The following FLII variants were observed in gnomAD, a reference collection of about 807,000 sequenced individuals.
FLII encodes protein flightless-1 homolog.
FLII carries 101 observed loss-of-function variants against 156.2 expected under a neutral mutation model. That is an observed-to-expected ratio of 0.65 (90% CI 0.55 to 0.76). The LOEUF is 0.76. Among genes scored for constraint, FLII ranks in the 30% least tolerant of loss-of-function variants. The pLI is 0.00. For missense variants in FLII, 1,675 were observed against 1,682.8 expected (o/e 1.00, Z 0.08); for synonymous variants, 767 against 685.8 (o/e 1.12, Z -1.85).
chr17:18,256,701 T>C lies in FLII; in HGVS notation c.175-104A>G. The C allele has an allele frequency of 2.9e-6, 3 of 1,034,194 alleles. No homozygotes were observed. The South Asian group carries it at 4.1e-5, about 14-fold the overall frequency. 64.1% of individuals were successfully genotyped at this position (1,034,194 alleles called of 1,614,324 possible). A position where few individuals can be genotyped will look rare whatever the true frequency, so the allele number is the denominator to read the frequency against. ...CCATCCAGGAAGGCCTCAGCCACAC[T>C]GGCCCAACTACCCCTGCAGCTTCCC... On this transcript the variant is annotated intron_variant, in intron 2 of 29. Coordinates refer to ENST00000327031, the MANE Select transcript of FLII (RefSeq NM_002018.4).
chr17:18,256,641 T>C, intron 2 of FLII, 44 bp from the exon 3 acceptor site: 1 of 1,506,474 alleles, frequency 6.6e-7, no homozygotes, highest in Non-Finnish European at 9.0e-7. Flanking sequence ...GTGGGTGGGG[T>C]GTCCAGAGTC....
chr17:18,254,368 A>G (rs1194657752), intron 6 of FLII, among the ~76,000 whole-genome samples, 153 bp downstream of exon 6: 1 of 152,116 alleles, frequency 6.6e-6, no homozygotes, highest in Admixed American at 6.5e-5. Context: ...AGAGGTGGAC[A>G]TGATACTTAG....
At position 18,257,025 on chromosome 17, in the gene FLII, G is replaced by T. The variant is rs1191906268; in HGVS notation, c.64-6C>A. 1.3e-5 allele frequency: 20 copies of T among 1,587,026 alleles called. No individual in the cohort carries two copies. Among genetic ancestry groups the T allele is most frequent in the Non-Finnish European group, 1.5e-5 (18 of 1,163,518 alleles). Reference sequence around the variant, plus strand: ...TTCTCAGGGAAGTAGCCGCCCTGGGGGAAGGATGTCAAGGTGAAGCACAGA... The same window carrying T: ...TTCTCAGGGAAGTAGCCGCCCTGGGTGAAGGATGTCAAGGTGAAGCACAGA... On this transcript the variant is annotated splice_region_variant and splice_polypyrimidine_tract_variant and intron_variant, in intron 1 of 29. Transcript: ENST00000327031.
At chr17:18,253,192 C>A in intron 9 of FLII, 109 bp downstream of exon 9, 1 of 1,072,560 alleles carries the variant, frequency 9.3e-7, no homozygotes, top group Non-Finnish European at 1.4e-6. Flanking sequence ...GGTGAATTAA[C>A]CCATCTTCAT....
chr17:18,250,840 G>A lies in FLII; in HGVS notation c.1774C>T (p.Gln592Ter). Residue 592 changes from glutamine to a stop codon, truncating the protein, a stop_gained and splice_region_variant, in exon 14 of 30, where the codon CAG becomes TAG. Transcript: ENST00000327031. LOFTEE classifies it high-confidence loss of function. The part of the protein sequence containing the change: ...EMGDESEEFL[Q>*]VFDNDISYIE... ...CCCCAATTTTAACGGGCTGGCACCT[G>A]CAGGAACTCCTCGCTCTCATCGCCC... 6.2e-7 allele frequency: 1 copy of A among 1,609,260 alleles called. No homozygotes were observed. Among genetic ancestry groups the A allele is most frequent in the Non-Finnish European group, 8.5e-7 (1 of 1,176,392 alleles).
At chr17:18,257,753 T>C (rs1024451145) in intron 1 of FLII, among the ~76,000 whole-genome samples, 2 of 152,044 alleles carry the variant, frequency 1.3e-5, no homozygotes, top group African/African-American at 4.8e-5. Context: ...GGGTCAAAGG[T>C]GTGTACACAG....
At chr17:18,254,302 T>C in intron 6 of FLII, 120 bp from the exon 7 acceptor site, 1 of 872,150 alleles carries the variant, frequency 1.1e-6, no homozygotes, top group Non-Finnish European at 1.7e-6. Context: ...TCACATCTGG[T>C]TGAAGGGACA....
rs535948742 is a variant in FLII at position 18,247,223 on chromosome 17, C to T, written c.2622G>A (p.Lys874=). Residue 874 remains lysine, a synonymous_variant, in exon 21 of 30, where the codon AAG becomes AAA. Coordinates refer to ENST00000327031, the MANE Select transcript of FLII (RefSeq NM_002018.4). ...GCAGGAAAAGCGCAGTGAGGTCAGC[C>T]TTCATCTGGTCTTTCTTCTCGGCGT... ...KRDAEKKDQM[K]ADLTALFLPR... 7.6e-5 allele frequency: 122 copies of T among 1,601,000 alleles called. 1 individual carries two copies. In the South Asian group the frequency reaches 1.2e-3, roughly 16 times the overall value.
chr17:18,251,982 G>C lies in FLII; in HGVS notation c.1246+17C>G, dbSNP rs994106295. On this transcript the variant is annotated intron_variant, in intron 11 of 29. Transcript: ENST00000327031. Reference sequence around the variant, plus strand: ...GAGAGGAGCCCCCGTTCCCAGGCCAGACCTTTCCCCACTCACCAGCTGCAG... The same window carrying C: ...GAGAGGAGCCCCCGTTCCCAGGCCACACCTTTCCCCACTCACCAGCTGCAG... The C allele has an allele frequency of 6.2e-7, 1 of 1,611,602 alleles. No individual in the cohort carries two copies. Among genetic ancestry groups the C allele is most frequent in the African/African-American group, 1.3e-5 (1 of 75,044 alleles).
chr17:18,251,705 G>A lies in FLII; in HGVS notation c.1358C>T (p.Ala453Val). ...KQVLKGMSDV[A>V]QEKNKKQEES... ...CTCCTGCTTTTTGTTCTTCTCCTGG[G>A]CAACATCTGACATGCCCTTCAGCAC... is the stretch of plus-strand genomic sequence containing the variant. The change falls in exon 12 of 30, where the codon GCC becomes GTC. Residue 453 changes from alanine to valine, a missense_variant. Ala to Val is a moderately conservative substitution (Grantham distance 64). This residue lies in a region of FLII where 1,332 missense variants were observed against 1,269.3 expected (regional missense o/e 1.05). Transcript: ENST00000327031. The A allele has an allele frequency of 6.2e-7, 1 of 1,614,016 alleles. No homozygotes were observed. Among genetic ancestry groups the A allele is most frequent in the Non-Finnish European group, 8.5e-7 (1 of 1,180,026 alleles).
intron 6 of FLII, 60 bp from the exon 7 acceptor site, chr17:18,254,242 G>T: frequency 7.4e-7 from 1 of 1,355,544 alleles, no homozygotes; most frequent in Non-Finnish European, 1.0e-6. Flanking sequence ...TAAGGGTGGG[G>T]CTTGGCAGGG....
chr17:18,248,913 G>A (rs769049576), intron 16 of FLII, 30 bp from the exon 17 acceptor site: 2 of 1,578,384 alleles, frequency 1.3e-6, no homozygotes, highest in South Asian at 1.1e-5. Context: ...AAGGAGCTGT[G>A]ATGGTGCATG....
chr17:18,257,539 C>G (rs2048460043), intron 1 of FLII, among the ~76,000 whole-genome samples: 1 of 152,260 alleles, frequency 6.6e-6, no homozygotes, highest in African/African-American at 2.4e-5. Flanking sequence ...TGTGTGAACG[C>G]CCACCTCGGC....
At position 18,253,558 on chromosome 17, in the gene FLII, G is replaced by C. The variant is rs1344763542; in HGVS notation, c.841C>G (p.Leu281Val). The change falls in exon 8 of 30, where the codon CTC becomes GTC. Residue 281 changes from leucine to valine, a missense_variant. Coordinates refer to ENST00000327031, the MANE Select transcript of FLII (RefSeq NM_002018.4). Reference protein sequence around the residue: ...VETLNLSRNQLTSLPSAICKL... With the variant: ...VETLNLSRNQVTSLPSAICKL... ...CTCAGACGCACGGGCAGTGAGGTGA[G>C]CTGATTTCGGGACAGGTTCAGAGTT... 2 of 1,613,244 alleles carry C rather than the reference G, an allele frequency of 1.2e-6. No individual in the cohort carries two copies. The highest frequency in any genetic ancestry group is 2.2e-5 in the East Asian group (1 of 44,858).
intron 18 of FLII, 93 bp downstream of exon 18, chr17:18,248,457 G>C: frequency 6.4e-6 from 8 of 1,254,594 alleles, no homozygotes; most frequent in Non-Finnish European, 8.8e-6. Flanking sequence ...AGTCGAGATG[G>C]AGCCCAAAGC....
chr17:18,252,163 G>C lies in FLII; in HGVS notation c.1099-17C>G, dbSNP rs144470790. 3 of 1,608,974 alleles carry C rather than the reference G, an allele frequency of 1.9e-6. No homozygotes were observed. The highest frequency in any genetic ancestry group is 2.6e-6 in the Non-Finnish European group (3 of 1,176,418). ...ATCCAGGACCTGCCCCATAGGGTGAGCAGAGCCGGCACTGAGCCTGGGTCC... is the reference window on the plus strand; with the variant it reads ...ATCCAGGACCTGCCCCATAGGGTGACCAGAGCCGGCACTGAGCCTGGGTCC... On this transcript the variant is annotated splice_polypyrimidine_tract_variant and intron_variant, in intron 10 of 29. Coordinates refer to ENST00000327031, the MANE Select transcript of FLII (RefSeq NM_002018.4).
chr17:18,248,991 G>C, intron 16 of FLII, 108 bp from the exon 17 acceptor site: 1 of 1,387,078 alleles, frequency 7.2e-7, no homozygotes, highest in African/African-American at 1.4e-5. Context: ...TTCTGGGTAA[G>C]CCCCAGGGAC....
chr17:18,247,186 G>C lies in FLII; in HGVS notation c.2659C>G (p.Pro887Ala), dbSNP rs775955456. ...LTALFLPRQP[P>A]MSLAEAEQLM... ...GCCCCCACCTCGGCCAGCGACATGG[G>C]CGGCTGCCGCGGCAGGAAAAGCGCA... Residue 887 changes from proline to alanine, a missense_variant, in exon 21 of 30, where the codon CCC becomes GCC. Around this residue, in one of 2 missense-constraint regions of FLII, gnomAD observed 1,332 missense variants for 1,269.3 expected, o/e 1.05. Coordinates refer to ENST00000327031, the MANE Select transcript of FLII (RefSeq NM_002018.4). 6.4e-7 allele frequency: 1 copy of C among 1,566,858 alleles called. No individual in the cohort carries two copies. The highest frequency in any genetic ancestry group is 8.6e-7 in the Non-Finnish European group (1 of 1,166,654).
At chr17:18,253,804 C>T in intron 7 of FLII, 85 bp from the exon 8 acceptor site, 1 of 1,310,966 alleles carries the variant, frequency 7.6e-7, no homozygotes, top group African/African-American at 1.5e-5. Context: ...CCAGCTCTGC[C>T]ACCTCTGAGC....
Sources: gnomAD v4.1 joint callset for allele counts (sites outside exome capture counted in the v4.1 genomes callset) on GRCh38, gnomAD v4.1.1 for gene constraint, gnomAD v4.1.1 regional missense constraint, MANE v1.5 for transcripts, NCBI Gene and HGNC (gene_info 2026-07-23, HGNC 2026-07-21) for gene names.